COL13A1: variants seen among roughly 807,000 people sequenced by gnomAD.
COL13A1 encodes the protein collagen alpha-1(XIII) chain.
COL13A1 carries 89 observed loss-of-function variants against 130.9 expected under a neutral mutation model. The ratio of observed to expected loss-of-function variants is 0.68; its 90% CI spans 0.57 to 0.81. COL13A1 has a LOEUF of 0.81. Ranked by LOEUF, COL13A1 falls within the 30% of genes least tolerant of loss-of-function variation. The pLI, the probability that COL13A1 is intolerant of heterozygous loss-of-function variation, is 0.00. For missense variants in COL13A1, 879 were observed against 934.6 expected (o/e 0.94, Z 0.78); for synonymous variants, 402 against 341.6 (o/e 1.18, Z -1.95).
intron 2 of COL13A1, among the ~76,000 whole-genome samples, chr10:69,825,393 A>T (rs1253510077): frequency 6.6e-6 from 1 of 152,168 alleles, no homozygotes; most frequent in Admixed American, 6.5e-5. Flanking sequence ...TCAAAGCTTG[A>T]TTTACTTTTG....
intron 36 of COL13A1, among the ~76,000 whole-genome samples, chr10:69,944,904 G>A (rs1265354978): frequency 2.0e-5 from 3 of 152,162 alleles, no homozygotes; most frequent in Non-Finnish European, 4.4e-5. Context: ...ATTCCTCGAG[G>A]ACAGCAGGAA....
chr10:69,920,655 C>G (rs754225771), intron 21 of COL13A1, among the ~76,000 whole-genome samples: 1 of 152,226 alleles, frequency 6.6e-6, no homozygotes, highest in South Asian at 2.1e-4. Flanking sequence ...ATATTCAAGG[C>G]AGGAAGAGGG....
intron 2 of COL13A1, among the ~76,000 whole-genome samples, chr10:69,844,594 G>A (rs1852501309): frequency 6.6e-6 from 1 of 152,192 alleles, no homozygotes; most frequent in African/African-American, 2.4e-5. Context: ...GTTTAGAACA[G>A]TAGCAAGCAC....
At chr10:69,913,599 CCCTCCCCCG>C (rs1266299689) in intron 17 of COL13A1, among the ~76,000 whole-genome samples, 1 of 152,216 alleles carries the variant, frequency 6.6e-6, no homozygotes, top group African/African-American at 2.4e-5. Flanking sequence ...CACGCCCTCC[CCCTCCCCCG>C]CCTCCTGCCT....
chr10:69,849,575 G>T (rs1184299743), intron 2 of COL13A1, among the ~76,000 whole-genome samples: 1 of 152,074 alleles, frequency 6.6e-6, no homozygotes, highest in Admixed American at 6.5e-5. Flanking sequence ...CTTAGCCCTG[G>T]CCTCAATTCT....
At chr10:69,821,169 A>G (rs1409169342) in intron 1 of COL13A1, among the ~76,000 whole-genome samples, 2 of 152,242 alleles carry the variant, frequency 1.3e-5, no homozygotes, top group Non-Finnish European at 2.9e-5. Context: ...TCTTTCAGTT[A>G]GTTTTTCAAG....
At chr10:69,921,357 G>T (rs2064643813) in intron 21 of COL13A1, among the ~76,000 whole-genome samples, 1 of 152,160 alleles carries the variant, frequency 6.6e-6, no homozygotes, top group African/African-American at 2.4e-5. Context: ...ACTCCCATGG[G>T]ACTTCATCCT....
At chr10:69,923,676 G>A in intron 23 of COL13A1, 126 bp from the exon 24 acceptor site, 10 of 1,252,702 alleles carry the variant, frequency 8.0e-6, no homozygotes, top group Non-Finnish European at 1.1e-5. Context: ...GGGAGGTGCA[G>A]AAGCCATCAG....
chr10:69,840,998 C>A (rs918900606), intron 2 of COL13A1, among the ~76,000 whole-genome samples: 17 of 152,184 alleles, frequency 1.1e-4, no homozygotes, highest in East Asian at 9.7e-4. Flanking sequence ...CGCCTGAAAC[C>A]CTGCAGTGGC....
intron 19 of COL13A1, 100 bp downstream of exon 19, chr10:69,918,417 A>T: frequency 8.7e-7 from 1 of 1,149,368 alleles, no homozygotes; most frequent in East Asian, 2.4e-5. Flanking sequence ...CTGCCAGACC[A>T]ATGAGGGGGC....
rs7077117 is a variant in COL13A1 at position 69,853,322 on chromosome 10, G to A, written c.365-14476G>A. Among the ~76,000 whole-genome samples, 888 of 151,074 alleles carry A rather than the reference G, an allele frequency of 5.9e-3. 10 individuals are homozygous for A. Among genetic ancestry groups the A allele is most frequent in the African/African-American group, 0.021 (848 of 40,900 alleles). On this transcript the variant is annotated intron_variant, in intron 2 of 40. Transcript: ENST00000645393. ...AGGCTTCTAGGTGTGAGAGAGCTTC[G>A]CACAAGGAGCCTGAAACACAACTGC... is the stretch of plus-strand genomic sequence containing the variant.
At chr10:69,824,985 C>T (rs183478933) in intron 2 of COL13A1, among the ~76,000 whole-genome samples, 7 of 152,286 alleles carry the variant, frequency 4.6e-5, no homozygotes, top group Admixed American at 3.3e-4. Flanking sequence ...GGGCTGGGTC[C>T]TGCTGGGTCC....
chr10:69,908,879 A>C (rs981308027), intron 17 of COL13A1, among the ~76,000 whole-genome samples: 1 of 152,148 alleles, frequency 6.6e-6, no homozygotes, highest in Non-Finnish European at 1.5e-5. Flanking sequence ...GTGCCAATGA[A>C]TAAACTCTAC....
intron 13 of COL13A1, chr10:69,897,417 T>C: frequency 6.4e-7 from 1 of 1,565,808 alleles, no homozygotes; most frequent in Non-Finnish European, 8.8e-7. Flanking sequence ...GTCTGTGGGC[T>C]CTCCCCTCAC....
chr10:69,934,905 G>A (rs2066626523), intron 31 of COL13A1, among the ~76,000 whole-genome samples: 1 of 152,130 alleles, frequency 6.6e-6, no homozygotes, highest in African/African-American at 2.4e-5. Flanking sequence ...GGTCAGGCCT[G>A]CAAAAAGTGA....
At chr10:69,890,021 G>A (rs999905067) in intron 10 of COL13A1, among the ~76,000 whole-genome samples, 1 of 152,134 alleles carries the variant, frequency 6.6e-6, no homozygotes, top group African/African-American at 2.4e-5. Flanking sequence ...GGCAAGTCAG[G>A]AGCAGGAGCA....
rs2058543904 is a variant in COL13A1 at position 69,866,610 on chromosome 10, T to G, written c.365-1188T>G. ...CCTCCCGCTTGTTCTGGGCCCTGCA[T>G]GCAAGGCCCGGGCCTGGGGCTTGCT... On this transcript the variant is annotated intron_variant, in intron 2 of 40. Transcript: ENST00000645393. 1.3e-5 allele frequency among the ~76,000 whole-genome samples: 2 copies of G among 152,068 alleles called. 1 individual carries two copies. Among genetic ancestry groups the G allele is most frequent in the Admixed American group, 1.3e-4 (2 of 15,276 alleles).
intron 39 of COL13A1, among the ~76,000 whole-genome samples, chr10:69,953,334 G>A (rs937521022): frequency 1.1e-4 from 17 of 152,184 alleles, no homozygotes; most frequent in Admixed American, 8.5e-4. Flanking sequence ...TGCCTTCTTC[G>A]TTTCATGGCC....
At chr10:69,880,619 G>C in intron 7 of COL13A1, 66 bp downstream of exon 7, 1 of 1,539,784 alleles carries the variant, frequency 6.5e-7, no homozygotes, top group South Asian at 1.1e-5. Flanking sequence ...AGGGCTTTTA[G>C]GCTGGGGATG....
Sources: gnomAD v4.1 joint callset for allele counts (sites outside exome capture counted in the v4.1 genomes callset) on GRCh38, gnomAD v4.1.1 for gene constraint, MANE v1.5 for transcripts, NCBI Gene and HGNC (gene_info 2026-07-23, HGNC 2026-07-21) for gene names.